Variants in TRPM3 observed in about 807,000 individuals in gnomAD.
The protein encoded by TRPM3 is long transient receptor potential channel 3.
In TRPM3, 77 loss-of-function variants were observed where a neutral mutation model predicts 181.2. That is an observed-to-expected ratio of 0.42 (90% CI 0.35 to 0.51). The LOEUF (loss-of-function observed/expected upper bound fraction) is 0.51, where lower values mean the gene tolerates loss of function less well. TRPM3 is among the 20% of genes least tolerant of loss of function. TRPM3 has a pLI of 0.01. For synonymous variants in TRPM3, 745 were observed against 796.4 expected, an observed-to-expected ratio of 0.94 and a Z score of 1.09; for missense variants, 1,759 against 2,196.7, an observed-to-expected ratio of 0.80 and a Z score of 3.98.
chr9:70,976,015 TC>T (rs1310860152), intron 1 of TRPM3, among the ~76,000 whole-genome samples: 2 of 152,268 alleles, frequency 1.3e-5, no homozygotes, highest in East Asian at 3.9e-4. Context: ...CTATCTCCAT[TC>T]CCAGCATGAG....
chr9:70,852,387 G>C (rs2132191783), intron 3 of TRPM3, among the ~76,000 whole-genome samples: 1 of 152,104 alleles, frequency 6.6e-6, no homozygotes, highest in East Asian at 1.9e-4. Context: ...CACAGCCCAG[G>C]TCTGACTCCA....
intron 1 of TRPM3, among the ~76,000 whole-genome samples, chr9:70,991,950 T>A (rs2097490533): frequency 6.6e-6 from 1 of 152,208 alleles, no homozygotes; most frequent in Non-Finnish European, 1.5e-5. Context: ...TGCTGGTAAA[T>A]CCTACTTATC....
At chr9:71,123,882 C>T (rs1279109153), upstream of TRPM3, among the ~76,000 whole-genome samples, 2 of 152,100 alleles carry the variant, frequency 1.3e-5, no homozygotes, top group South Asian at 2.1e-4. Context: ...TACCCCCTGC[C>T]CTGCAGTATT....
chr9:71,288,287 G>A (rs144492688), intron 1 of TRPM3, among the ~76,000 whole-genome samples: 5 of 151,746 alleles, frequency 3.3e-5, no homozygotes, highest in Non-Finnish European at 5.9e-5. Flanking sequence ...TATTGTCTAC[G>A]ATAAACGCTA....
At chr9:70,834,596 G>A (rs2094177091) in intron 5 of TRPM3, among the ~76,000 whole-genome samples, 1 of 152,184 alleles carries the variant, frequency 6.6e-6, no homozygotes, top group South Asian at 2.1e-4. Flanking sequence ...TTATAAAAGG[G>A]TTTCTCTTAG....
At chr9:71,346,610 T>C (rs567236649) in intron 1 of TRPM3, among the ~76,000 whole-genome samples, 1 of 152,264 alleles carries the variant, frequency 6.6e-6, no homozygotes, top group East Asian at 1.9e-4. Flanking sequence ...GGAAAGAGGT[T>C]CCATTGGCCA....
chr9:71,153,291 A>ATT (rs370590474), intron 1 of TRPM3, among the ~76,000 whole-genome samples: 39,145 of 139,884 alleles, frequency 0.28, 5,987 homozygotes, highest in African/African-American at 0.41. Context: ...GGCGCCATTA[A>ATT]TTTTTTTTTT....
chr9:70,993,840 T>C (rs371677062), intron 1 of TRPM3, among the ~76,000 whole-genome samples: 1 of 147,164 alleles, frequency 6.8e-6, no homozygotes, highest in African/African-American at 2.5e-5. Flanking sequence ...TCCAGGGGGA[T>C]TGAGGATGCT....
chr9:70,609,421 T>G lies in TRPM3; in HGVS notation c.2667+1188A>C, dbSNP rs74718130. ...TTTACCTCACTGAAAACATCTAATA[T>G]TTACATTTCGATAATATCCTATCTT... On this transcript the variant is annotated intron_variant, in intron 19 of 25. Transcript: ENST00000677713. Among the ~76,000 whole-genome samples the G allele has an allele frequency of 7.1e-3, 1,083 of 152,354 alleles. 12 individuals are homozygous for G. Among genetic ancestry groups the G allele is most frequent in the African/African-American group, 0.025 (1,028 of 41,574 alleles).
chr9:71,266,309 TGTGA>T (rs556943501), intron 1 of TRPM3, among the ~76,000 whole-genome samples: 235 of 152,232 alleles, frequency 1.5e-3, no homozygotes, highest in Admixed American at 4.1e-3. Context: ...AATTAATGGT[TGTGA>T]GTAATTTTTA....
chr9:70,761,594 T>C lies in TRPM3; in HGVS notation c.1272+7A>G, dbSNP rs750500422. 3 of 1,613,994 alleles carry C rather than the reference T, an allele frequency of 1.9e-6. No homozygotes were observed. The Admixed American group carries it at 5.0e-5, about 27-fold the overall frequency. On this transcript the variant is annotated splice_region_variant and intron_variant, in intron 8 of 25. Transcript: ENST00000677713. ...AGACAGCTGGCCACCCATGCGGAAT[T>C]ACCTACCAATTCCTTCTTCTTCATG...
At chr9:70,848,070 T>C (rs1228528770) in intron 3 of TRPM3, among the ~76,000 whole-genome samples, 1 of 152,070 alleles carries the variant, frequency 6.6e-6, no homozygotes, top group Admixed American at 6.5e-5. Flanking sequence ...GTCATTGAAA[T>C]GATAAGATAC....
At chr9:70,962,529 G>A (rs1414554627) in intron 1 of TRPM3, among the ~76,000 whole-genome samples, 1 of 152,088 alleles carries the variant, frequency 6.6e-6, no homozygotes, top group Admixed American at 6.6e-5. Context: ...CTATGGTAAG[G>A]ACGGAATGAG....
chr9:70,809,636 A>C lies in TRPM3; in HGVS notation c.973+18211T>G, dbSNP rs146575058. Among the ~76,000 whole-genome samples the C allele has an allele frequency of 7.5e-4, 114 of 152,300 alleles. 2 individuals carry two copies. Among genetic ancestry groups the C allele is most frequent in the African/African-American group, 2.3e-3 (96 of 41,566 alleles). On this transcript the variant is annotated intron_variant, in intron 6 of 25. Transcript: ENST00000677713. ...TAGGTTATACCTTCTAGGTTTGTAT[A>C]AGTACACTCTATGATGTTCATGACA... is the stretch of plus-strand genomic sequence containing the variant.
chr9:71,048,046 A>G (rs1216686077), intron 1 of TRPM3, among the ~76,000 whole-genome samples: 1 of 152,212 alleles, frequency 6.6e-6, no homozygotes, highest in African/African-American at 2.4e-5. Context: ...TCATGATTCA[A>G]CTTTAGATAT....
chr9:70,539,997 G>C (rs771406664), intron 25 of TRPM3, among the ~76,000 whole-genome samples: 1 of 152,154 alleles, frequency 6.6e-6, no homozygotes, highest in African/African-American at 2.4e-5. Flanking sequence ...ACCATGCCCA[G>C]CTAATTTTTT....
chr9:70,661,808 C>CATAG (rs1185618609), intron 9 of TRPM3, among the ~76,000 whole-genome samples: 1 of 152,166 alleles, frequency 6.6e-6, no homozygotes, highest in East Asian at 1.9e-4. Flanking sequence ...GTTCCATGGC[C>CATAG]ATAGATGGGA....
upstream of TRPM3, among the ~76,000 whole-genome samples, chr9:71,122,603 A>C (rs1304324383): frequency 1.3e-5 from 2 of 152,150 alleles, no homozygotes; most frequent in Non-Finnish European, 2.9e-5. Context: ...CTCCATGACT[A>C]TTATGCAGTC....
In TRPM3 at chr9:70,537,366, C is replaced by G; in HGVS notation, c.3747G>C (p.Glu1249Asp). ...GTGAAGCCTTCATGGAGTGCTCTCT[C>G]TCGTTGACTTCCTCCAGCCGCATAG... ...NMSMRLEEVN[E>D]REHSMKASLQ... The change falls in exon 26 of 26, where the codon GAG becomes GAC. Residue 1249 changes from glutamate to aspartate, a missense_variant. Coordinates refer to ENST00000677713, the MANE Select transcript of TRPM3 (RefSeq NM_001366145.2). 6.7e-7 allele frequency: 1 copy of G among 1,493,818 alleles called. No individual in the cohort carries two copies. The highest frequency in any genetic ancestry group is 8.9e-7 in the Non-Finnish European group (1 of 1,120,806). The allele number at this position is 1,493,818 out of a possible 1,614,324, so 92.5% of individuals were successfully genotyped here.
Sources: allele counts gnomAD v4.1 joint callset (sites outside exome capture counted in the v4.1 genomes callset), GRCh38; gene constraint gnomAD v4.1.1; transcripts MANE v1.5; gene names NCBI Gene and HGNC (gene_info 2026-07-23, HGNC 2026-07-21).